Variants in PUDP observed in about 807,000 individuals in gnomAD.
PUDP encodes pseudouridine-5'-phosphatase.
PUDP carries 8 observed loss-of-function variants against 9.4 expected under a neutral mutation model. The ratio of observed to expected loss-of-function variants is 0.85; its 90% CI spans 0.50 to 1.53. PUDP has a LOEUF of 1.53. PUDP is among the 40% of genes most tolerant of loss of function. PUDP has a pLI of 0.00. For synonymous variants in PUDP, 99 were observed against 80.7 expected, an observed-to-expected ratio of 1.23 and a Z score of -1.22; for missense variants, 188 against 189.7, an observed-to-expected ratio of 0.99 and a Z score of 0.05.
intron 3 of PUDP, among the ~76,000 whole-genome samples, chrX:6,728,452 A>C (rs1924770080): frequency 9.0e-6 from 1 of 111,682 alleles, no homozygotes; most frequent in Non-Finnish European, 1.9e-5. Flanking sequence ...GTTTATGCTT[A>C]TTTACAGCAA....
At chrX:6,747,505 C>T (rs1925014304) in intron 3 of PUDP, among the ~76,000 whole-genome samples, 1 of 112,000 alleles carries the variant, frequency 8.9e-6, no homozygotes, top group South Asian at 3.7e-4. Context: ...TGATCATTGG[C>T]TAATGTTAAT....
At chrX:6,726,364 T>C (rs747620539), upstream of PUDP, among the ~76,000 whole-genome samples, 3 of 111,411 alleles carry the variant, frequency 2.7e-5, no homozygotes, top group East Asian at 8.5e-4. Context: ...TGCTGTAGCA[T>C]TGTAGGGTGA....
At chrX:6,780,711 G>A (rs1925546361) in intron 3 of PUDP, among the ~76,000 whole-genome samples, 1 of 111,034 alleles carries the variant, frequency 9.0e-6, no homozygotes, top group African/African-American at 3.3e-5. Flanking sequence ...CAGGATGAGA[G>A]GCTGGCTGGA....
At chrX:6,836,232 C>A (rs1024145705) in intron 3 of PUDP, among the ~76,000 whole-genome samples, 3 of 111,495 alleles carry the variant, frequency 2.7e-5, no homozygotes, top group Non-Finnish European at 5.6e-5. Context: ...TCCTTTTGAA[C>A]TTCCCCTCCA....
chrX:6,764,003 G>A (rs953572908), intron 3 of PUDP, among the ~76,000 whole-genome samples: 1 of 111,595 alleles, frequency 9.0e-6, no homozygotes, highest in Non-Finnish European at 1.9e-5. Flanking sequence ...TCATAGCATT[G>A]GGAGCTAGAA....
intron 3 of PUDP, among the ~76,000 whole-genome samples, chrX:7,062,887 A>AT (rs199914841): frequency 7.0e-3 from 559 of 79,516 alleles, no homozygotes; most frequent in East Asian, 9.6e-3. Flanking sequence ...TGACTGCTTA[A>AT]TTTTTTTTTT....
chrX:7,114,334 G>A (rs138822628), intron 1 of PUDP, among the ~76,000 whole-genome samples: 3,349 of 110,979 alleles, frequency 0.03, 70 homozygotes, highest in Non-Finnish European at 0.048. Context: ...ACCTGCCTCG[G>A]CCTCCCAAAG....
chrX:7,037,066 C>T (rs754298010), intron 1 of PUDP, among the ~76,000 whole-genome samples: 70 of 111,687 alleles, frequency 6.3e-4, no homozygotes, highest in African/African-American at 2.1e-3. Flanking sequence ...TAAAGGCCCC[C>T]GGCTGGCTCC....
chrX:6,894,983 G>T (rs754173487), intron 3 of PUDP, among the ~76,000 whole-genome samples: 43 of 110,929 alleles, frequency 3.9e-4, no homozygotes, highest in Non-Finnish European at 7.2e-4. Flanking sequence ...TACTCAACAG[G>T]CCAGATACAG....
chrX:7,042,435 A>C (rs1199142106), intron 1 of PUDP, among the ~76,000 whole-genome samples: 4 of 112,019 alleles, frequency 3.6e-5, no homozygotes, highest in Non-Finnish European at 5.6e-5. Flanking sequence ...GAAATACAGG[A>C]AGATCCTTTT....
At chrX:6,916,631 C>T (rs188880368) in intron 3 of PUDP, among the ~76,000 whole-genome samples, 115 of 111,381 alleles carry the variant, frequency 1.0e-3, no homozygotes, top group Non-Finnish European at 1.6e-3. Flanking sequence ...ATCATGGGAC[C>T]GTAAGGTCAA....
At chrX:7,106,287 C>T (rs1931880573) in intron 1 of PUDP, among the ~76,000 whole-genome samples, 1 of 112,388 alleles carries the variant, frequency 8.9e-6, no homozygotes, top group Non-Finnish European at 1.9e-5. Context: ...GATGAATCCC[C>T]ACCATGCCTG....
chrX:6,757,496 T>C (rs534287488), intron 3 of PUDP, among the ~76,000 whole-genome samples: 3 of 111,258 alleles, frequency 2.7e-5, no homozygotes, highest in African/African-American at 6.5e-5. Flanking sequence ...ACTAGATATA[T>C]TGATAAGGTC....
chrX:6,866,529 A>G lies in PUDP; in HGVS notation c.*247+110604T>C, dbSNP rs1242776315. Reference sequence around the variant, plus strand: ...GGGAAGCTGCGCCCTGTAACAAGTGAGCGCATGTTGGCCTGCCAGGGTGAG... The same window carrying G: ...GGGAAGCTGCGCCCTGTAACAAGTGGGCGCATGTTGGCCTGCCAGGGTGAG... On this transcript the variant is annotated intron_variant and NMD_transcript_variant, in intron 3 of 3. Coordinates refer to the PUDP transcript ENST00000655425. Among the ~76,000 whole-genome samples, 3 of 111,263 alleles carry G rather than the reference A, an allele frequency of 2.7e-5. No individual in the cohort carries two copies. The Admixed American group carries it at 2.9e-4, about 11-fold the overall frequency.
chrX:6,825,306 C>A (rs1461245104), intron 3 of PUDP, among the ~76,000 whole-genome samples: 6 of 111,548 alleles, frequency 5.4e-5, no homozygotes, highest in African/African-American at 2.0e-4. Context: ...CATCACCCTG[C>A]AGCAAAACAG....
chrX:7,036,793 T>C (rs1416011946), intron 1 of PUDP, among the ~76,000 whole-genome samples: 1 of 111,886 alleles, frequency 8.9e-6, no homozygotes, highest in African/African-American at 3.3e-5. Context: ...TGCTCCCTTT[T>C]CATTCTCATT....
At chrX:7,082,869 A>C (rs1931144350) in intron 2 of PUDP, among the ~76,000 whole-genome samples, 1 of 112,931 alleles carries the variant, frequency 8.9e-6, no homozygotes, top group Non-Finnish European at 1.9e-5. Context: ...GACTGAGAGC[A>C]GTGGGTTGAA....
At chrX:7,015,270 C>A (rs1929531907) in intron 1 of PUDP, among the ~76,000 whole-genome samples, 1 of 111,748 alleles carries the variant, frequency 8.9e-6, no homozygotes, top group African/African-American at 3.3e-5. Context: ...ATTTTTATGC[C>A]TAGGTTCAAC....
chrX:7,145,025 C>A (rs1264159646), intron 1 of PUDP, among the ~76,000 whole-genome samples: 1 of 110,948 alleles, frequency 9.0e-6, no homozygotes, highest in Non-Finnish European at 1.9e-5. Flanking sequence ...AGACCTAGAC[C>A]CATGCTGTCC....
Sources: gnomAD v4.1 joint callset for allele counts (sites outside exome capture counted in the v4.1 genomes callset) on GRCh38, gnomAD v4.1.1 for gene constraint, MANE v1.5 for transcripts, NCBI Gene and HGNC (gene_info 2026-07-23, HGNC 2026-07-21) for gene names.